The following KCNC1 variants were observed in gnomAD, a reference collection of about 807,000 sequenced individuals.
KCNC1 encodes potassium voltage-gated channel subfamily C member 1.
Under a neutral mutation model 43.4 loss-of-function variants are expected in KCNC1, and 8 were observed. The ratio of observed to expected loss-of-function variants is 0.18; its 90% confidence interval spans 0.11 to 0.33. The LOEUF is 0.33. Among genes scored for constraint, KCNC1 ranks in the 10% least tolerant of loss-of-function variants. The pLI is 1.00. For synonymous variants in KCNC1, 361 were observed against 360.5 expected, an observed-to-expected ratio of 1.00 and a Z score of -0.01; for missense variants, 420 against 836.0, an observed-to-expected ratio of 0.50 and a Z score of 6.14.
Position 17,739,362 on chromosome 11 carries a change from C to CGTGTGTGT in KCNC1, c.570+2820_570+2827dup, listed in dbSNP as rs35211986. Among the ~76,000 whole-genome samples, 10 of 149,360 alleles carry CGTGTGTGT rather than the reference C, an allele frequency of 6.7e-5. No individual in the cohort carries two copies. The highest frequency in any genetic ancestry group is 8.9e-5 in the Non-Finnish European group (6 of 67,392). On this transcript the variant is annotated intron_variant, in intron 1 of 3. Transcript: ENST00000265969. This position sits in a 1 kb window ranked among gnomAD's most constrained non-coding sequence, Gnocchi z 4.2. ...GTGAGAATAAATGTGAGACTCCAGG[C>CGTGTGTGT]GTGTGTGTGTGTGTGTGTGTGTGTG...
intron 1 of KCNC1, among the ~76,000 whole-genome samples, chr11:17,756,319 T>C (rs1457569140): frequency 6.7e-6 from 1 of 150,068 alleles, no homozygotes; most frequent in Non-Finnish European, 1.5e-5. Context: ...TATGGTTAAT[T>C]GATAAATGTC....
intron 1 of KCNC1, among the ~76,000 whole-genome samples, chr11:17,738,678 G>A (rs1434948585): frequency 6.6e-6 from 1 of 152,206 alleles, no homozygotes; most frequent in East Asian, 1.9e-4. Flanking sequence ...GCAGACAAAT[G>A]GGCCAGCTAG....
intron 1 of KCNC1, among the ~76,000 whole-genome samples, chr11:17,770,302 G>T (rs1479858807): frequency 6.6e-6 from 1 of 152,268 alleles, no homozygotes; most frequent in East Asian, 1.9e-4. Context: ...GAGCTGCCTT[G>T]TGGAGAAGGC....
chr11:17,781,784 C>G lies in KCNC1; in HGVS notation c.*50C>G. 1.8e-5 allele frequency: 23 copies of G among 1,251,984 alleles called. No homozygotes were observed. The highest frequency in any genetic ancestry group is 2.5e-5 in the Non-Finnish European group (22 of 873,562). 77.6% of individuals were successfully genotyped at this position (1,251,984 alleles called of 1,614,324 possible). A position where few individuals can be genotyped will look rare whatever the true frequency, so the allele number is the denominator to read the frequency against. On this transcript the variant is annotated 3_prime_UTR_variant, in exon 4 of 4. Transcript: ENST00000265969. This position sits in a 1 kb window ranked among gnomAD's most constrained non-coding sequence, Gnocchi z 5.1. Reference sequence around the variant, plus strand: ...GGTGGCTATTAAGCATCTGGGTGGACCTGCAGCCCCTCCTCACCCTCGGAC... The same window carrying G: ...GGTGGCTATTAAGCATCTGGGTGGAGCTGCAGCCCCTCCTCACCCTCGGAC...
In KCNC1 at chr11:17,735,241, A is replaced by G. The variant is rs143460354; in HGVS notation, c.-762A>G. On this transcript the variant is annotated 5_prime_UTR_variant, in exon 1 of 4. Transcript: ENST00000265969. The surrounding 1 kb of genome is among the most constrained non-coding windows in gnomAD (Gnocchi z 6.7). ...AGCAACACCCCGGGTGCCCCTGCCC[A>G]GGGGGCCCGCCATCTCCTCCAGGAG... 8,670 of 151,624 alleles carry G rather than the reference A, an allele frequency of 0.057. 330 individuals are homozygous for G. The highest frequency in any genetic ancestry group is 0.16 in the South Asian group (748 of 4,790). The allele number at this position is 151,624 out of a possible 1,614,324, so 9.4% of individuals were successfully genotyped here.
rs1296097690 is a variant in KCNC1 at position 17,773,275 on chromosome 11, C to T, written c.1504+677C>T. On this transcript the variant is annotated intron_variant, in intron 2 of 3. Coordinates refer to ENST00000265969, the MANE Select transcript of KCNC1 (RefSeq NM_001112741.2). The surrounding 1 kb of genome is among the most constrained non-coding windows in gnomAD (Gnocchi z 4.1). ...AACCAACTCATCTTCTACCACCACT[C>T]TAGAGTTTAGCCTTTATCTTTAGGA... 5.4e-5 allele frequency: 53 copies of T among 985,418 alleles called. No individual in the cohort carries two copies. The highest frequency in any genetic ancestry group is 5.7e-5 in the Non-Finnish European group (47 of 830,040). 61.0% of individuals were successfully genotyped at this position (985,418 alleles called of 1,614,324 possible). A position where few individuals can be genotyped will look rare whatever the true frequency, so the allele number is the denominator to read the frequency against.
chr11:17,772,645 C>A (rs1460228724), intron 2 of KCNC1, 47 bp downstream of exon 2: 1 of 1,590,944 alleles, frequency 6.3e-7, no homozygotes, highest in Admixed American at 1.7e-5. Flanking sequence ...TCACCTCTGC[C>A]CCCTGTAGCG....
chr11:17,759,592 C>T (rs1325349559), intron 1 of KCNC1, among the ~76,000 whole-genome samples: 1 of 152,116 alleles, frequency 6.6e-6, no homozygotes, highest in Non-Finnish European at 1.5e-5. Context: ...CACTAGACCA[C>T]CTAGAGACCA....
rs1353872876 is a variant in KCNC1, at chr11:17,779,448, G to T, written c.1505-8G>T. ...GTGTCTCAATAGCTTCTGCTTATATGTTTGAAGATTCCAAACTGAATGGGG... is the reference window on the plus strand; with the variant it reads ...GTGTCTCAATAGCTTCTGCTTATATTTTTGAAGATTCCAAACTGAATGGGG... On this transcript the variant is annotated splice_polypyrimidine_tract_variant and splice_region_variant and intron_variant, in intron 2 of 3. Transcript: ENST00000265969. This position sits in a 1 kb window ranked among gnomAD's most constrained non-coding sequence, Gnocchi z 7.2. The T allele has an allele frequency of 3.3e-6, 5 of 1,537,988 alleles. No individual in the cohort carries two copies. The highest frequency in any genetic ancestry group is 3.5e-6 in the Non-Finnish European group (4 of 1,140,718).
At chr11:17,751,267 G>A (rs572514689) in intron 1 of KCNC1, among the ~76,000 whole-genome samples, 5 of 152,316 alleles carry the variant, frequency 3.3e-5, no homozygotes, top group South Asian at 4.1e-4. Flanking sequence ...GGGAGAGACC[G>A]ACGAGTAATG....
chr11:17,749,195 G>A (rs565032405), intron 1 of KCNC1, among the ~76,000 whole-genome samples: 2 of 152,342 alleles, frequency 1.3e-5, no homozygotes, highest in South Asian at 2.1e-4. Flanking sequence ...GGGATAACGA[G>A]AGTCCCTACT....
Position 17,777,415 on chromosome 11 carries a change from G to T in KCNC1, c.1505-2041G>T. The T allele has an allele frequency of 1.0e-6, 1 of 985,842 alleles. No individual in the cohort carries two copies. Among genetic ancestry groups the T allele is most frequent in the East Asian group, 1.1e-4 (1 of 8,788 alleles). 61.1% of individuals were successfully genotyped at this position (985,842 alleles called of 1,614,324 possible). A position where few individuals can be genotyped will look rare whatever the true frequency, so the allele number is the denominator to read the frequency against. On this transcript the variant is annotated intron_variant, in intron 2 of 3. Coordinates refer to ENST00000265969, the MANE Select transcript of KCNC1 (RefSeq NM_001112741.2). The surrounding 1 kb of genome is among the most constrained non-coding windows in gnomAD (Gnocchi z 4.3). ...TCCCCTTGAGGAAAATCCATGCAGG[G>T]TGCTATGGGCCTCAACCCCCACATC...
intron 2 of KCNC1, chr11:17,774,403 T>A: frequency 1.0e-6 from 1 of 985,504 alleles, no homozygotes; most frequent in East Asian, 1.1e-4. Context: ...TCAGGAGTGT[T>A]GCCCCAAGCA....
At position 17,739,224 on chromosome 11, in the gene KCNC1, T is replaced by C. The variant is rs1848807261; in HGVS notation, c.570+2652T>C. Among the ~76,000 whole-genome samples the C allele has an allele frequency of 6.6e-6, 1 of 152,200 alleles. No individual in the cohort carries two copies. Among genetic ancestry groups the C allele is most frequent in the African/African-American group, 2.4e-5 (1 of 41,458 alleles). On this transcript the variant is annotated intron_variant, in intron 1 of 3. Transcript: ENST00000265969. The surrounding 1 kb of genome is among the most constrained non-coding windows in gnomAD (Gnocchi z 4.2). ...GGGACTTAAGTCGTTATTCTAGATC[T>C]AGGCCAGCATGTTGTGTGTGATCTT...
chr11:17,774,304 T>C, intron 2 of KCNC1: 15 of 985,488 alleles, frequency 1.5e-5, no homozygotes, highest in Non-Finnish European at 1.8e-5. Context: ...CCAGCTTCCA[T>C]GTGGGCCTGG....
At position 17,776,416 on chromosome 11, in the gene KCNC1, C is replaced by T; in HGVS notation, c.1505-3040C>T. 1.0e-6 allele frequency: 1 copy of T among 985,472 alleles called. No homozygotes were observed. The highest frequency in any genetic ancestry group is 1.2e-6 in the Non-Finnish European group (1 of 829,970). 61.0% of individuals were successfully genotyped at this position (985,472 alleles called of 1,614,324 possible). On this transcript the variant is annotated intron_variant, in intron 2 of 3. Coordinates refer to ENST00000265969, the MANE Select transcript of KCNC1 (RefSeq NM_001112741.2). The surrounding 1 kb of genome is among the most constrained non-coding windows in gnomAD (Gnocchi z 4.4). The stretch of plus-strand genomic sequence containing the variant: ...CAGCCCCGCGTGCGCCCCTCCGGTG[C>T]CCGCAGCTGGTGTGAACAGTAAGTA...
intron 1 of KCNC1, among the ~76,000 whole-genome samples, chr11:17,763,661 A>G (rs544622457): frequency 4.7e-4 from 39 of 82,296 alleles, no homozygotes; most frequent in African/African-American, 1.8e-3. Context: ...ACCACACGCA[A>G]TAACACACAG....
chr11:17,775,917 A>G (rs1311118899), intron 2 of KCNC1: 1 of 985,416 alleles, frequency 1.0e-6, no homozygotes, highest in African/African-American at 1.7e-5. Flanking sequence ...AAAGTCCCCT[A>G]TCCCCAGCCC....
In KCNC1 at chr11:17,781,030, G is replaced by A. The variant is rs745822421; in HGVS notation, c.1694-640G>A. 1.3e-5 allele frequency: 2 copies of A among 152,282 alleles called. No individual in the cohort carries two copies. The highest frequency in any genetic ancestry group is 2.4e-5 in the African/African-American group (1 of 41,462). 9.4% of individuals were successfully genotyped at this position (152,282 alleles called of 1,614,324 possible). A position where few individuals can be genotyped will look rare whatever the true frequency, so the allele number is the denominator to read the frequency against. The stretch of plus-strand genomic sequence containing the variant: ...TAGAATGCCCAGAAGCAGAATGCCC[G>A]AGGAGTGAGGGGAAAAGCAGGTAGA... On this transcript the variant is annotated intron_variant, in intron 3 of 3. Coordinates refer to ENST00000265969, the MANE Select transcript of KCNC1 (RefSeq NM_001112741.2). The surrounding 1 kb of genome is among the most constrained non-coding windows in gnomAD (Gnocchi z 5.1).
Sources: gnomAD v4.1 joint callset for allele counts (sites outside exome capture counted in the v4.1 genomes callset) on GRCh38, gnomAD v4.1.1 for gene constraint, Gnocchi (gnomAD v3.1) non-coding constraint, MANE v1.5 for transcripts, NCBI Gene and HGNC (gene_info 2026-07-23, HGNC 2026-07-21) for gene names.